MORC1: variants seen among roughly 807,000 people sequenced by gnomAD.
MORC1 encodes the protein MORC family CW-type zinc finger 1.
A neutral mutation model predicts 134.9 loss-of-function variants in MORC1; 59 were observed. The observed-to-expected ratio is 0.44, with a 90% confidence interval of 0.35 to 0.54. The LOEUF (loss-of-function observed/expected upper bound fraction) is 0.54, where lower values mean the gene tolerates loss of function less well. Among genes scored for constraint, MORC1 ranks in the 20% least tolerant of loss-of-function variants. The probability of loss-of-function intolerance (pLI) is 0.00; values close to 1 mark genes in which losing one functional copy is unlikely to be tolerated. For synonymous variants in MORC1, 395 were observed against 391.7 expected, an observed-to-expected ratio of 1.01 and a Z score of -0.10; for missense variants, 947 against 1,134.5, an observed-to-expected ratio of 0.83 and a Z score of 2.37.
At chr3:109,044,279 G>A (rs1949631651) in intron 14 of MORC1, among the ~76,000 whole-genome samples, 1 of 147,378 alleles carries the variant, frequency 6.8e-6, no homozygotes, top group African/African-American at 2.5e-5. Context: ...AGCACCTGGG[G>A]AAAAAAAAAA....
chr3:109,075,823 T>A (rs199925308), intron 8 of MORC1, among the ~76,000 whole-genome samples: 2 of 143,086 alleles, frequency 1.4e-5, no homozygotes, highest in Non-Finnish European at 3.1e-5. Context: ...GTTTTTTTTT[T>A]ATTCTGTGAA....
At chr3:109,028,918 A>G (rs1949163102) in intron 16 of MORC1, among the ~76,000 whole-genome samples, 1 of 152,052 alleles carries the variant, frequency 6.6e-6, no homozygotes, top group Admixed American at 6.6e-5. Flanking sequence ...GATTAGGGGT[A>G]GGGAGGGGAG....
intron 11 of MORC1, 128 bp downstream of exon 11, chr3:109,061,860 A>G: frequency 1.2e-6 from 1 of 860,616 alleles, no homozygotes; most frequent in Non-Finnish European, 1.9e-6. Flanking sequence ...AGTTAAAATC[A>G]ACTTAATCTT....
chr3:108,959,220 G>T, intron 27 of MORC1, 100 bp from the exon 28 acceptor site: 5 of 959,350 alleles, frequency 5.2e-6, no homozygotes, highest in Non-Finnish European at 7.5e-6. Context: ...GACTCATGCT[G>T]CAACAAAAGC....
chr3:109,065,452 G>GT (rs1553758304), intron 9 of MORC1, among the ~76,000 whole-genome samples: 6 of 152,038 alleles, frequency 3.9e-5, no homozygotes, highest in Admixed American at 1.3e-4. Context: ...TATCTCCTGT[G>GT]TTTTTTTTCC....
At chr3:109,018,951 G>C (rs779509905) in intron 17 of MORC1, 5 of 152,130 alleles carry the variant, frequency 3.3e-5, no homozygotes, top group Admixed American at 6.6e-5. Context: ...CAAAGGAAGA[G>C]AGGAATGATC....
chr3:109,058,138 A>G (rs1214441673), intron 12 of MORC1, among the ~76,000 whole-genome samples: 1 of 152,158 alleles, frequency 6.6e-6, no homozygotes, highest in Non-Finnish European at 1.5e-5. Flanking sequence ...TATGATATAA[A>G]CACCTGTAAT....
intron 9 of MORC1, among the ~76,000 whole-genome samples, chr3:109,066,929 A>C (rs1216106047): frequency 1.3e-5 from 2 of 151,866 alleles, no homozygotes; most frequent in Non-Finnish European, 2.9e-5. Context: ...CTGTAATAAA[A>C]GATTAAATAA....
chr3:109,040,171 G>A (rs953024910), intron 14 of MORC1, among the ~76,000 whole-genome samples: 1 of 151,592 alleles, frequency 6.6e-6, no homozygotes, highest in African/African-American at 2.4e-5. Flanking sequence ...ATACAACACT[G>A]TTAGATTCAA....
intron 17 of MORC1, among the ~76,000 whole-genome samples, chr3:109,010,988 T>G (rs1307406924): frequency 6.6e-6 from 1 of 152,224 alleles, no homozygotes. Flanking sequence ...GCGGTGGATA[T>G]ATGCTTACAT....
intron 8 of MORC1, among the ~76,000 whole-genome samples, chr3:109,078,320 G>C (rs1950460495): frequency 6.6e-6 from 1 of 151,932 alleles, no homozygotes; most frequent in Non-Finnish European, 1.5e-5. Flanking sequence ...AGATTTCAAA[G>C]AGCAGATATA....
At chr3:109,054,954 T>C (rs1559923958) in intron 13 of MORC1, 72 bp from the exon 14 acceptor site, 2 of 1,358,666 alleles carry the variant, frequency 1.5e-6, no homozygotes, top group East Asian at 2.5e-5. Flanking sequence ...TTCTGGTCAT[T>C]TGAAATCATT....
intron 16 of MORC1, among the ~76,000 whole-genome samples, chr3:109,028,231 AT>A (rs1241378720): frequency 3.6e-5 from 5 of 140,678 alleles, no homozygotes; most frequent in African/African-American, 1.1e-4. Context: ...CATCACTGCC[AT>A]TTCCCCCCCC....
chr3:108,984,761 T>A lies in MORC1; in HGVS notation c.2279A>T (p.Asp760Val). 2 of 1,609,408 alleles carry A rather than the reference T, an allele frequency of 1.2e-6. No homozygotes were observed. The highest frequency in any genetic ancestry group is 1.7e-6 in the Non-Finnish European group (2 of 1,178,638). The change falls in exon 23 of 28, where the codon GAT becomes GTT. Residue 760 changes from aspartate (D) to valine (V), a missense_variant. Asp to Val is a radical substitution (Grantham distance 152). Coordinates refer to ENST00000232603, the MANE Select transcript of MORC1 (RefSeq NM_014429.4). ...AGAGCTTCTTTTCATTGCTAGAACA[T>A]CATTGCACAGCTCCTGTTTTTCTTC... ...LNQEKQELCN[D>V]VLAMKRSSSL... is the part of the protein sequence containing the mutation.
In MORC1 at chr3:108,963,617, G is replaced by T; in HGVS notation, c.2605-9C>A. On this transcript the variant is annotated splice_polypyrimidine_tract_variant and intron_variant, in intron 26 of 27. Transcript: ENST00000232603. ...ATGTAAGTATTCTGTATCTGGGAAT[G>T]TTTTAAAAACAGTTTTAGCATGTTT... 6.7e-7 allele frequency: 1 copy of T among 1,501,090 alleles called. No homozygotes were observed. Among genetic ancestry groups the T allele is most frequent in the Non-Finnish European group, 8.9e-7 (1 of 1,118,218 alleles). 93.0% of individuals were successfully genotyped at this position (1,501,090 alleles called of 1,614,324 possible). A position where few individuals can be genotyped will look rare whatever the true frequency, so the allele number is the denominator to read the frequency against.
At chr3:109,078,549 T>C (rs931559181) in intron 8 of MORC1, among the ~76,000 whole-genome samples, 5 of 151,752 alleles carry the variant, frequency 3.3e-5, no homozygotes. Context: ...AGCTATTATA[T>C]AACGCAGAGG....
chr3:108,988,089 A>C (rs922362865), intron 21 of MORC1, among the ~76,000 whole-genome samples: 2 of 152,076 alleles, frequency 1.3e-5, no homozygotes, highest in Non-Finnish European at 2.9e-5. Flanking sequence ...AAACAAATGT[A>C]GTCTAGAGAG....
chr3:108,969,506 T>C (rs1232459984), intron 26 of MORC1, among the ~76,000 whole-genome samples, 163 bp downstream of exon 26: 1 of 152,210 alleles, frequency 6.6e-6, no homozygotes. Context: ...TTCAAAAATA[T>C]GTTGCTTTAT....
intron 10 of MORC1, among the ~76,000 whole-genome samples, chr3:109,062,277 T>C (rs1950101196): frequency 6.6e-6 from 1 of 152,148 alleles, no homozygotes; most frequent in South Asian, 2.1e-4. Flanking sequence ...TATACAAATA[T>C]AAATTCAGAA....
Sources: allele counts gnomAD v4.1 joint callset (sites outside exome capture counted in the v4.1 genomes callset), GRCh38; gene constraint gnomAD v4.1.1; transcripts MANE v1.5; gene names NCBI Gene and HGNC (gene_info 2026-07-23, HGNC 2026-07-21).